The following CERS6 variants were observed in gnomAD, a reference collection of about 807,000 sequenced individuals.
The protein encoded by CERS6 is LAG1 homolog, ceramide synthase 6.
A neutral mutation model predicts 56.8 loss-of-function variants in CERS6; 26 were observed. That is an observed-to-expected ratio of 0.46 (90% CI 0.34 to 0.63). The LOEUF is 0.63. Ranked by LOEUF, CERS6 falls within the 30% of genes least tolerant of loss-of-function variation. CERS6 has a pLI of 0.01. For missense variants in CERS6, 415 were observed against 467.5 expected (o/e 0.89, Z 1.04); for synonymous variants, 164 against 173.3 (o/e 0.95, Z 0.42).
chr2:168,543,569 C>G (rs1471681602), intron 1 of CERS6, among the ~76,000 whole-genome samples: 13 of 151,996 alleles, frequency 8.6e-5, no homozygotes. Context: ...TAAATATGCT[C>G]TCTGAAAAAA....
At chr2:168,628,774 G>T (rs1338278015) in intron 3 of CERS6, among the ~76,000 whole-genome samples, 1 of 152,052 alleles carries the variant, frequency 6.6e-6, no homozygotes, top group Non-Finnish European at 1.5e-5. Flanking sequence ...TTCAAGGCTT[G>T]TGACTTTTCA....
chr2:168,632,711 C>T (rs1045239249), intron 4 of CERS6, among the ~76,000 whole-genome samples: 2 of 152,064 alleles, frequency 1.3e-5, no homozygotes, highest in African/African-American at 4.8e-5. Flanking sequence ...AACTTTACTA[C>T]CTTGGAAGAG....
intron 1 of CERS6, among the ~76,000 whole-genome samples, chr2:168,535,861 A>C (rs181273436): frequency 7.3e-5 from 11 of 151,578 alleles, no homozygotes; most frequent in African/African-American, 2.7e-4. Context: ...ACTCAGCCTG[A>C]TGGGCATGAA....
chr2:168,567,516 A>G (rs1695904581), intron 3 of CERS6, among the ~76,000 whole-genome samples: 1 of 152,216 alleles, frequency 6.6e-6, no homozygotes, highest in Non-Finnish European at 1.5e-5. Context: ...TGAATATGTC[A>G]TTTTCATGTG....
In CERS6 at chr2:168,644,200, G is replaced by C. The variant is rs940380614; in HGVS notation, c.465+13158G>C. The C allele has an allele frequency of 1.7e-5, 16 of 937,720 alleles. No individual in the cohort carries two copies. The African/African-American group carries it at 2.7e-4, about 16-fold the overall frequency. 58.1% of individuals were successfully genotyped at this position (937,720 alleles called of 1,614,324 possible). A position where few individuals can be genotyped will look rare whatever the true frequency, so the allele number is the denominator to read the frequency against. ...AAAATAGATGTCTAGGATTACAGAA[G>C]GGGGAGGGAGGATTTCAGATAGGGT... is the stretch of plus-strand genomic sequence containing the variant. On this transcript the variant is annotated intron_variant, in intron 4 of 9. Coordinates refer to ENST00000305747, the MANE Select transcript of CERS6 (RefSeq NM_203463.3).
At chr2:168,628,472 A>G (rs1684640421) in intron 3 of CERS6, among the ~76,000 whole-genome samples, 1 of 152,158 alleles carries the variant, frequency 6.6e-6, no homozygotes, top group Non-Finnish European at 1.5e-5. Context: ...TGGATTGTCT[A>G]AGAACGCCAA....
chr2:168,754,663 AGG>A (rs1434442951), intron 8 of CERS6, among the ~76,000 whole-genome samples: 3 of 152,234 alleles, frequency 2.0e-5, no homozygotes, highest in Non-Finnish European at 4.4e-5. Context: ...TAGGCAGCAG[AGG>A]GAAGCATTCT....
chr2:168,466,216 A>G (rs1202670900), intron 1 of CERS6, among the ~76,000 whole-genome samples: 3 of 152,150 alleles, frequency 2.0e-5, no homozygotes, highest in Non-Finnish European at 4.4e-5. Flanking sequence ...TGACAACTTA[A>G]TAATAGTAAA....
chr2:168,592,391 A>G (rs1328311075), intron 3 of CERS6, among the ~76,000 whole-genome samples: 1 of 152,128 alleles, frequency 6.6e-6, no homozygotes, highest in Non-Finnish European at 1.5e-5. Flanking sequence ...GTGAGGCTAG[A>G]GAAGCAGATG....
chr2:168,563,375 G>A (rs1695826925), intron 3 of CERS6, among the ~76,000 whole-genome samples: 12 of 152,178 alleles, frequency 7.9e-5, no homozygotes, highest in Admixed American at 7.9e-4. Context: ...GCAATGTGGA[G>A]GCACAATGAT....
rs1452591471 is a variant in CERS6, at chr2:168,456,594, T to C, written c.146T>C (p.Phe49Ser). ...GCTTTTCCCCTGGCCTTCTGTATCT[T>C]CATGGTGCGGCTCATCTTCGAGAGG... ...YLAFPLAFCI[F>S]MVRLIFERFV... Residue 49 changes from phenylalanine to serine, a missense_variant, in exon 1 of 10, where the codon TTC (phenylalanine) becomes TCC (serine). Transcript: ENST00000305747. This position sits in a 1 kb window ranked among gnomAD's most constrained non-coding sequence, Gnocchi z 4.1. 1.2e-6 allele frequency: 2 copies of C among 1,613,800 alleles called. No individual in the cohort carries two copies. The highest frequency in any genetic ancestry group is 2.2e-5 in the South Asian group (2 of 91,066).
intron 8 of CERS6, among the ~76,000 whole-genome samples, chr2:168,720,515 C>T (rs1403133898): frequency 1.3e-5 from 2 of 152,086 alleles, no homozygotes; most frequent in South Asian, 2.1e-4. Context: ...TGCGTCCGTA[C>T]GAGTCAGGAT....
intron 6 of CERS6, among the ~76,000 whole-genome samples, chr2:168,704,248 C>G (rs1422359373): frequency 1.3e-5 from 2 of 152,160 alleles, no homozygotes; most frequent in African/African-American, 4.8e-5. Context: ...GGAGCCTCTT[C>G]TTCCAGTGTG....
At chr2:168,535,763 T>C (rs184034494) in intron 1 of CERS6, among the ~76,000 whole-genome samples, 31 of 148,160 alleles carry the variant, frequency 2.1e-4, no homozygotes, top group Middle Eastern at 3.4e-3. Context: ...TTTTTATATC[T>C]CGTGTGCATT....
chr2:168,567,216 C>G (rs886351278), intron 3 of CERS6, among the ~76,000 whole-genome samples: 2 of 152,066 alleles, frequency 1.3e-5, no homozygotes, highest in Non-Finnish European at 2.9e-5. Flanking sequence ...TGGAGAACAA[C>G]TTCTGTAATT....
At chr2:168,562,296 G>A (rs145386520) in intron 3 of CERS6, among the ~76,000 whole-genome samples, 1,669 of 152,240 alleles carry the variant, frequency 0.011, 21 homozygotes, top group Middle Eastern at 0.044. Context: ...TTTCTAGTCG[G>A]GTGGGATGAG....
At chr2:168,695,864 A>G (rs1686632950) in intron 6 of CERS6, among the ~76,000 whole-genome samples, 1 of 152,150 alleles carries the variant, frequency 6.6e-6, no homozygotes, top group African/African-American at 2.4e-5. Flanking sequence ...ATACTTCCAC[A>G]TCTGTAGTCA....
intron 4 of CERS6, among the ~76,000 whole-genome samples, chr2:168,666,951 G>T (rs184636169): frequency 6.7e-4 from 102 of 152,234 alleles, no homozygotes; most frequent in East Asian, 1.2e-3. Flanking sequence ...TGTTTATATT[G>T]TGCTATATCA....
intron 4 of CERS6, among the ~76,000 whole-genome samples, chr2:168,672,719 A>G (rs183734610): frequency 2.8e-4 from 42 of 152,338 alleles, no homozygotes; most frequent in African/African-American, 9.6e-4. Context: ...GAGAAGCTTT[A>G]TCTTATATTC....
Sources: gnomAD v4.1 joint callset for allele counts (sites outside exome capture counted in the v4.1 genomes callset) on GRCh38, gnomAD v4.1.1 for gene constraint, Gnocchi (gnomAD v3.1) non-coding constraint, MANE v1.5 for transcripts, NCBI Gene and HGNC (gene_info 2026-07-23, HGNC 2026-07-21) for gene names.